TENM4: variants seen among roughly 807,000 people sequenced by gnomAD.
TENM4 encodes teneurin-4.
Under a neutral mutation model 243.3 loss-of-function variants are expected in TENM4, and 82 were observed. That is an observed-to-expected ratio of 0.34 (90% CI 0.28 to 0.40). The LOEUF (loss-of-function observed/expected upper bound fraction) is 0.40. Ranked by LOEUF, TENM4 falls within the 10% of genes least tolerant of loss-of-function variation. The pLI, the probability that TENM4 is intolerant of heterozygous loss-of-function variation, is 1.00. For missense variants in TENM4, 3,138 were observed against 3,673.3 expected, an observed-to-expected ratio of 0.85 and a Z score of 3.77; for synonymous variants, 1,412 against 1,456.3, an observed-to-expected ratio of 0.97 and a Z score of 0.69.
intron 6 of TENM4, among the ~76,000 whole-genome samples, chr11:79,062,560 A>T (rs1175394419): frequency 6.6e-6 from 1 of 152,216 alleles, no homozygotes; most frequent in Non-Finnish European, 1.5e-5. Context: ...TGCAGTAAAG[A>T]AAGTGGTTTA....
rs571740604 is a variant in TENM4 at position 78,675,505 on chromosome 11, C to A, written c.5496+647G>T. Reference sequence around the variant, plus strand: ...GTGGAGGAAAAAGAAGCTGGGCACTCAGGCCCTGGCAGAGGCTGTACTCTA... The same window carrying A: ...GTGGAGGAAAAAGAAGCTGGGCACTAAGGCCCTGGCAGAGGCTGTACTCTA... On this transcript the variant is annotated intron_variant, in intron 30 of 33. Coordinates refer to ENST00000278550, the MANE Select transcript of TENM4 (RefSeq NM_001098816.3). 1.4e-3 allele frequency among the ~76,000 whole-genome samples: 207 copies of A among 152,282 alleles called. 1 individual carries two copies. Among genetic ancestry groups the A allele is most frequent in the African/African-American group, 4.7e-3 (196 of 41,558 alleles).
At chr11:79,020,170 T>C (rs1442897713) in intron 6 of TENM4, among the ~76,000 whole-genome samples, 1 of 152,210 alleles carries the variant, frequency 6.6e-6, no homozygotes, top group East Asian at 1.9e-4. Context: ...ATGATGTTAG[T>C]GTGTGTTACT....
intron 3 of TENM4, among the ~76,000 whole-genome samples, chr11:79,210,460 T>C (rs1441144193): frequency 1.3e-5 from 2 of 152,172 alleles, no homozygotes; most frequent in Non-Finnish European, 2.9e-5. Context: ...TCTGGAAAGA[T>C]ACAACAGAAA....
At chr11:78,925,436 T>C (rs186256886) in intron 6 of TENM4, among the ~76,000 whole-genome samples, 3 of 152,228 alleles carry the variant, frequency 2.0e-5, no homozygotes, top group African/African-American at 7.2e-5. Flanking sequence ...TGGGTATACT[T>C]GTGAGATGAT....
chr11:78,676,665 G>A (rs534759847), intron 29 of TENM4, among the ~76,000 whole-genome samples: 2 of 152,300 alleles, frequency 1.3e-5, no homozygotes, highest in South Asian at 4.1e-4. Flanking sequence ...TTTTAAAACA[G>A]TTATACAGTT....
intron 12 of TENM4, among the ~76,000 whole-genome samples, chr11:78,852,440 T>C (rs569200781): frequency 3.9e-5 from 6 of 152,050 alleles, no homozygotes. Flanking sequence ...ACCTCAGCAT[T>C]TGGGGAAGTC....
intron 3 of TENM4, among the ~76,000 whole-genome samples, chr11:79,160,792 T>TC (rs1226436516): frequency 6.6e-6 from 1 of 152,180 alleles, no homozygotes; most frequent in East Asian, 1.9e-4. Flanking sequence ...ATGATCAATC[T>TC]CCCCATCTTT....
chr11:79,120,464 G>A (rs1437530311), intron 4 of TENM4, among the ~76,000 whole-genome samples: 1 of 152,188 alleles, frequency 6.6e-6, no homozygotes, highest in Non-Finnish European at 1.5e-5. Context: ...AGGCTGGAAG[G>A]AACAACAATA....
At chr11:78,689,506 CT>C (rs1419204575) in intron 28 of TENM4, among the ~76,000 whole-genome samples, 4 of 151,612 alleles carry the variant, frequency 2.6e-5, no homozygotes, top group African/African-American at 9.7e-5. Flanking sequence ...GTTTTTACCT[CT>C]GGGGTAAAGC....
chr11:78,947,239 T>C (rs1464172217), intron 6 of TENM4, among the ~76,000 whole-genome samples: 1 of 152,144 alleles, frequency 6.6e-6, no homozygotes, highest in Admixed American at 6.5e-5. Flanking sequence ...AACCCTGTAA[T>C]AAATATTGTC....
chr11:78,790,837 C>T (rs1480777205), intron 15 of TENM4, among the ~76,000 whole-genome samples: 2 of 152,124 alleles, frequency 1.3e-5, no homozygotes, highest in East Asian at 3.8e-4. Context: ...CAAGTCAGAC[C>T]CTGATATATG....
intron 1 of TENM4, among the ~76,000 whole-genome samples, chr11:79,436,808 G>T (rs902163755): frequency 3.3e-5 from 5 of 152,166 alleles, no homozygotes; most frequent in African/African-American, 1.2e-4. Context: ...AAGAACCCAA[G>T]AACTCTTTCT....
chr11:78,996,376 T>C (rs1313530083), intron 6 of TENM4, among the ~76,000 whole-genome samples: 1 of 152,136 alleles, frequency 6.6e-6, no homozygotes, highest in African/African-American at 2.4e-5. Flanking sequence ...ACTGACCCTG[T>C]GAAGGCACAG....
chr11:78,818,926 C>T (rs1857665782), intron 12 of TENM4, among the ~76,000 whole-genome samples: 1 of 151,554 alleles, frequency 6.6e-6, no homozygotes, highest in African/African-American at 2.4e-5. Context: ...GGCCTTTCCC[C>T]CAGCTTGTTT....
intron 1 of TENM4, among the ~76,000 whole-genome samples, chr11:79,400,140 CA>C (rs1565330529): frequency 8.2e-5 from 12 of 146,970 alleles, no homozygotes; most frequent in Middle Eastern, 3.5e-3. Context: ...CACACACACA[CA>C]CACACCCTCC....
chr11:79,176,667 C>T (rs1284968146), intron 3 of TENM4, among the ~76,000 whole-genome samples: 1 of 152,102 alleles, frequency 6.6e-6, no homozygotes, highest in African/African-American at 2.4e-5. Context: ...ACTAATTAGC[C>T]AACATGAAGC....
rs151206495 is a variant in TENM4 at position 79,259,785 on chromosome 11, C to T, written c.-265+37703G>A. 2.7e-3 allele frequency among the ~76,000 whole-genome samples: 407 copies of T among 152,284 alleles called. 4 individuals are homozygous for T. Among genetic ancestry groups the T allele is most frequent in the African/African-American group, 9.3e-3 (388 of 41,554 alleles). ...AACATCTACTATGTACTCACTATGG[C>T]GCTAGGTACCAGCAAGCAATTAAAA... On this transcript the variant is annotated intron_variant, in intron 2 of 33. Transcript: ENST00000278550.
intron 4 of TENM4, among the ~76,000 whole-genome samples, chr11:79,073,529 A>G (rs575211572): frequency 6.6e-6 from 1 of 152,216 alleles, no homozygotes; most frequent in African/African-American, 2.4e-5. Context: ...TTAAGCCTCA[A>G]TAACATAAAA....
chr11:79,089,594 G>T (rs1344892863), intron 4 of TENM4, among the ~76,000 whole-genome samples: 8 of 152,028 alleles, frequency 5.3e-5, no homozygotes, highest in Non-Finnish European at 1.2e-4. Flanking sequence ...AAAGAAGCAG[G>T]TTTCATATCC....
Sources: gnomAD v4.1 joint callset for allele counts (sites outside exome capture counted in the v4.1 genomes callset) on GRCh38, gnomAD v4.1.1 for gene constraint, MANE v1.5 for transcripts, NCBI Gene and HGNC (gene_info 2026-07-23, HGNC 2026-07-21) for gene names.